HCN1: variants seen among roughly 807,000 people sequenced by gnomAD.
HCN1 encodes the protein potassium/sodium hyperpolarization-activated cyclic nucleotide-gated channel 1.
A neutral mutation model predicts 78.9 loss-of-function variants in HCN1; 13 were observed. That is an observed-to-expected ratio of 0.16 (90% confidence interval 0.11 to 0.26). HCN1 has a LOEUF of 0.26. Among genes scored for constraint, HCN1 ranks in the 10% least tolerant of loss-of-function variants. HCN1 has a pLI of 1.00. For missense variants in HCN1, 810 were observed against 1,154.3 expected, an observed-to-expected ratio of 0.70 and a Z score of 4.32; for synonymous variants, 552 against 455.5, an observed-to-expected ratio of 1.21 and a Z score of -2.70.
intron 5 of HCN1, among the ~76,000 whole-genome samples, chr5:45,308,274 G>A (rs769668821): frequency 6.6e-6 from 1 of 151,940 alleles, no homozygotes. Flanking sequence ...CTGCTGAATC[G>A]TGAGACAAAT....
intron 4 of HCN1, among the ~76,000 whole-genome samples, chr5:45,363,277 T>A (rs1358052140): frequency 6.6e-6 from 1 of 151,098 alleles, no homozygotes; most frequent in African/African-American, 2.4e-5. Context: ...TGGTGGAAAG[T>A]CCATCTCAGG....
intron 4 of HCN1, among the ~76,000 whole-genome samples, chr5:45,372,229 T>C (rs1747409176): frequency 1.4e-5 from 1 of 72,260 alleles, no homozygotes; most frequent in Non-Finnish European, 2.2e-5. Context: ...ATATATATAA[T>C]ATATATTATA....
intron 2 of HCN1, among the ~76,000 whole-genome samples, chr5:45,608,663 C>A (rs1007924167): frequency 1.2e-4 from 18 of 151,752 alleles, no homozygotes; most frequent in Admixed American, 9.2e-4. Flanking sequence ...AATGACATAA[C>A]CCATCATGAA....
At chr5:45,553,914 C>G (rs1284221233) in intron 2 of HCN1, among the ~76,000 whole-genome samples, 1 of 151,800 alleles carries the variant, frequency 6.6e-6, no homozygotes, top group Non-Finnish European at 1.5e-5. Flanking sequence ...CACATATGCC[C>G]CTTACTCTAA....
At chr5:45,412,716 GTA>G (rs1740046631) in intron 3 of HCN1, among the ~76,000 whole-genome samples, 1 of 151,658 alleles carries the variant, frequency 6.6e-6, no homozygotes, top group Non-Finnish European at 1.5e-5. Flanking sequence ...CCTGGAGGTT[GTA>G]TAGTTTGCCC....
intron 5 of HCN1, among the ~76,000 whole-genome samples, chr5:45,344,163 C>T (rs1002385435): frequency 1.3e-5 from 2 of 152,072 alleles, no homozygotes; most frequent in Non-Finnish European, 2.9e-5. Context: ...GGGGAAGAAG[C>T]TCCTTTTAAT....
At chr5:45,582,783 G>A (rs1350613951) in intron 2 of HCN1, among the ~76,000 whole-genome samples, 1 of 152,058 alleles carries the variant, frequency 6.6e-6, no homozygotes, top group Non-Finnish European at 1.5e-5. Context: ...ATAATCGTGT[G>A]GTTTTTGTCT....
chr5:45,381,310 C>CA (rs1243974693), intron 4 of HCN1, among the ~76,000 whole-genome samples: 1 of 151,946 alleles, frequency 6.6e-6, no homozygotes, highest in African/African-American at 2.4e-5. Context: ...AGTTTCTTCC[C>CA]AAAACGTAGA....
intron 1 of HCN1, among the ~76,000 whole-genome samples, chr5:45,693,031 T>A (rs1166586958): frequency 2.6e-5 from 4 of 152,172 alleles, no homozygotes; most frequent in African/African-American, 9.7e-5. Flanking sequence ...TTTTAGGAAT[T>A]GTAGTAAAGC....
chr5:45,556,969 A>G, intron 2 of HCN1, among the ~76,000 whole-genome samples: 1 of 151,938 alleles, frequency 6.6e-6, no homozygotes, highest in East Asian at 1.9e-4. Context: ...CCTTCTACCT[A>G]CACATGACTT....
At chr5:45,292,307 A>C (rs967964543) in intron 6 of HCN1, among the ~76,000 whole-genome samples, 1 of 152,034 alleles carries the variant, frequency 6.6e-6, no homozygotes, top group Admixed American at 6.6e-5. Context: ...ATTTAAAATG[A>C]TTATAATAAA....
chr5:45,316,416 AAAT>A (rs1183070416), intron 5 of HCN1, among the ~76,000 whole-genome samples: 2 of 152,162 alleles, frequency 1.3e-5, no homozygotes, highest in Non-Finnish European at 2.9e-5. Context: ...ACGTATTTCA[AAAT>A]AATAAGAGCT....
chr5:45,257,074 A>G lies in HCN1; in HGVS notation c.*4847T>C, dbSNP rs1210915430. ...TTAGGACCCAGCATCCTCACAAGGC[A>G]GGGTGGGGTTGTAAATAGCCCCCAG... is the stretch of plus-strand genomic sequence containing the variant. On this transcript the variant is annotated 3_prime_UTR_variant, in exon 8 of 8. Transcript: ENST00000303230. 2 of 152,198 alleles carry G rather than the reference A, an allele frequency of 1.3e-5. No individual in the cohort carries two copies. Among genetic ancestry groups the G allele is most frequent in the African/African-American group, 4.8e-5 (2 of 41,454 alleles). 9.4% of individuals were successfully genotyped at this position (152,198 alleles called of 1,614,324 possible).
At chr5:45,409,699 G>T (rs146813528) in intron 3 of HCN1, among the ~76,000 whole-genome samples, 1 of 151,908 alleles carries the variant, frequency 6.6e-6, no homozygotes, top group East Asian at 1.9e-4. Flanking sequence ...TAAAATAGTG[G>T]CACATTAAAT....
intron 2 of HCN1, among the ~76,000 whole-genome samples, chr5:45,581,604 G>A (rs944153087): frequency 2.0e-5 from 3 of 152,124 alleles, no homozygotes; most frequent in Admixed American, 1.3e-4. Context: ...CCATGCCTAT[G>A]TCCTGAATGG....
intron 2 of HCN1, chr5:45,643,561 C>T (rs984885497): frequency 2.6e-5 from 4 of 151,968 alleles, no homozygotes; most frequent in African/African-American, 9.7e-5. Context: ...ATAGTAAGAA[C>T]CTATATAGTT....
At chr5:45,586,950 C>A (rs1744242059) in intron 2 of HCN1, among the ~76,000 whole-genome samples, 2 of 152,156 alleles carry the variant, frequency 1.3e-5, no homozygotes, top group South Asian at 2.1e-4. Context: ...CCATCACTAA[C>A]CAAGGTTGGC....
intron 3 of HCN1, among the ~76,000 whole-genome samples, chr5:45,449,044 G>C (rs1046695291): frequency 6.6e-6 from 1 of 152,166 alleles, no homozygotes; most frequent in African/African-American, 2.4e-5. Context: ...AGCCCACGAG[G>C]TTGCAGTGAG....
intron 6 of HCN1, among the ~76,000 whole-genome samples, chr5:45,276,901 G>A (rs1181257515): frequency 1.3e-5 from 2 of 152,056 alleles, no homozygotes; most frequent in Non-Finnish European, 2.9e-5. Context: ...CAGGAGGGGA[G>A]AGGAGACATT....
Sources: gnomAD v4.1 joint callset for allele counts (sites outside exome capture counted in the v4.1 genomes callset) on GRCh38, gnomAD v4.1.1 for gene constraint, MANE v1.5 for transcripts, NCBI Gene and HGNC (gene_info 2026-07-23, HGNC 2026-07-21) for gene names.